UNKL: variants seen among roughly 807,000 people sequenced by gnomAD.
UNKL encodes putative E3 ubiquitin-protein ligase UNKL.
UNKL carries 60 observed loss-of-function variants against 78.0 expected under a neutral mutation model. The ratio of observed to expected loss-of-function variants is 0.77; its 90% CI spans 0.63 to 0.95. The LOEUF is 0.95. Among genes scored for constraint, UNKL ranks in the 40% least tolerant of loss-of-function variants. UNKL has a pLI of 0.00. For missense variants in UNKL, 1,159 were observed against 1,045.7 expected, an observed-to-expected ratio of 1.11 and a Z score of -1.49; for synonymous variants, 608 against 474.8, an observed-to-expected ratio of 1.28 and a Z score of -3.65.
intron 8 of UNKL, among the ~76,000 whole-genome samples, chr16:1,391,247 C>CACACACACAA (rs2037037791): frequency 3.1e-4 from 1 of 3,262 alleles, no homozygotes; most frequent in African/African-American, 8.0e-4. Context: ...GATACACACA[C>CACACACACAA]ACACACACAC....
rs887600085 is a variant in UNKL at position 1,364,776 on chromosome 16, G to A, written c.*1464C>T. 2.0e-5 allele frequency: 3 copies of A among 152,170 alleles called. No homozygotes were observed. Among genetic ancestry groups the A allele is most frequent in the Non-Finnish European group, 2.9e-5 (2 of 68,058 alleles). 9.4% of individuals were successfully genotyped at this position (152,170 alleles called of 1,614,324 possible). A position where few individuals can be genotyped will look rare whatever the true frequency, so the allele number is the denominator to read the frequency against. ...ATGAGCTCCGATGATAACTGGCAGC[G>A]CGGGTCAGGTGACTGCCACATACAC... On this transcript the variant is annotated 3_prime_UTR_variant, in exon 15 of 15. Transcript: ENST00000389221.
chr16:1,400,343 G>C (rs1377722320), intron 4 of UNKL, among the ~76,000 whole-genome samples: 1 of 134,106 alleles, frequency 7.5e-6, no homozygotes, highest in Non-Finnish European at 1.5e-5. Flanking sequence ...GCTTGAACCT[G>C]GCAGGCGGAG....
chr16:1,377,751 TC>T (rs1038871352), intron 10 of UNKL, among the ~76,000 whole-genome samples: 1 of 152,006 alleles, frequency 6.6e-6, no homozygotes, highest in African/African-American at 2.4e-5. Context: ...CCCTTCCTCC[TC>T]CCTGGCAAAG....
chr16:1,380,673 A>ATTT lies in UNKL; in HGVS notation c.1264+4532_1264+4534dup, dbSNP rs57595079. Among the ~76,000 whole-genome samples the ATTT allele has an allele frequency of 5.0e-5, 5 of 99,390 alleles. 2 individuals carry two copies. The highest frequency in any genetic ancestry group is 0.011 in the Middle Eastern group (1 of 90). 65.2% of individuals were successfully genotyped at this position (99,390 alleles called of 152,430 possible). Reference sequence around the variant, plus strand: ...TTCACCTCTGAGTAGCTGGTTCAGGATTTTTTTTTTTTTTTTTTTGAGAAC... The same window carrying ATTT: ...TTCACCTCTGAGTAGCTGGTTCAGGATTTTTTTTTTTTTTTTTTTTTTGAGAAC... On this transcript the variant is annotated intron_variant, in intron 10 of 14. Coordinates refer to ENST00000389221, the MANE Select transcript of UNKL (RefSeq NM_001372107.1).
chr16:1,369,105 G>T (rs531034417), intron 12 of UNKL, among the ~76,000 whole-genome samples: 55 of 111,502 alleles, frequency 4.9e-4, no homozygotes, highest in African/African-American at 1.8e-3. Flanking sequence ...TAGCTCTATC[G>T]CCAGGCTGGA....
At chr16:1,368,183 A>G (rs1244261470) in intron 12 of UNKL, 6 of 413,270 alleles carry the variant, frequency 1.5e-5, no homozygotes, top group Middle Eastern at 6.5e-4. Context: ...AGTGGTTCTC[A>G]GACTCCACTC....
intron 2 of UNKL, among the ~76,000 whole-genome samples, chr16:1,408,005 T>C (rs1462437702): frequency 6.6e-6 from 1 of 151,656 alleles, no homozygotes; most frequent in Non-Finnish European, 1.5e-5. Flanking sequence ...CTCCGGAGGC[T>C]GAGGCACGAG....
chr16:1,372,136 T>C (rs1055500359), intron 10 of UNKL, among the ~76,000 whole-genome samples: 21 of 149,118 alleles, frequency 1.4e-4, no homozygotes, highest in South Asian at 2.1e-4. Context: ...TGGTGGCGGG[T>C]GCCTGTAGTC....
chr16:1,376,889 C>T lies in UNKL; in HGVS notation c.1265-5278G>A, dbSNP rs530400713. ...CTGCGCAAATGCTGTACACTGCTGT[C>T]CTGAACCCAGACCTCGCACCAGCAA... On this transcript the variant is annotated intron_variant, in intron 10 of 14. Coordinates refer to ENST00000389221, the MANE Select transcript of UNKL (RefSeq NM_001372107.1). Among the ~76,000 whole-genome samples the T allele has an allele frequency of 5.3e-5, 8 of 152,272 alleles. No homozygotes were observed. In the East Asian group the frequency reaches 1.2e-3, roughly 22 times the overall value.
Position 1,367,645 on chromosome 16 carries a change from C to G in UNKL, c.1788+11G>C, listed in dbSNP as rs199822814. ...CTCCCCCTCACCTGTCTGGCCCCCC[C>G]ACACACTCACCTGCTTCACCTGCTG... is the stretch of plus-strand genomic sequence containing the variant. On this transcript the variant is annotated intron_variant, in intron 13 of 14. Coordinates refer to ENST00000389221, the MANE Select transcript of UNKL (RefSeq NM_001372107.1). The G allele has an allele frequency of 1.5e-4, 226 of 1,557,858 alleles. 1 individual carries two copies. The highest frequency in any genetic ancestry group is 1.4e-3 in the African/African-American group (102 of 71,956).
chr16:1,398,679 G>GCGCCCCCCCCCC, intron 5 of UNKL: 1 of 1,356,382 alleles, frequency 7.4e-7, no homozygotes, highest in Non-Finnish European at 9.5e-7. Flanking sequence ...TGTGGGGTCT[G>GCGCCCCCCCCCC]CACCCCCCCA....
In UNKL at chr16:1,399,089, GGTCCCTCCTGCAGTGCTCC is replaced by G; in HGVS notation, c.734+266_734+284del. Reference sequence around the variant, plus strand: ...ACACGGGGGTCCCAGCTGGGCTTGGGGTCCCTCCTGCAGTGCTCCGTCCCCTTGCCTGGCAGAGGGGCCC... The same window carrying G: ...ACACGGGGGTCCCAGCTGGGCTTGGGGTCCCCTTGCCTGGCAGAGGGGCCC... On this transcript the variant is annotated intron_variant, in intron 5 of 14. Transcript: ENST00000389221. This position sits in a 1 kb window ranked among gnomAD's most constrained non-coding sequence, Gnocchi z 5.8. 1 of 1,285,246 alleles carries G rather than the reference GGTCCCTCCTGCAGTGCTCC, an allele frequency of 7.8e-7. No homozygotes were observed. The highest frequency in any genetic ancestry group is 1.0e-6 in the Non-Finnish European group (1 of 963,260). 79.6% of individuals were successfully genotyped at this position (1,285,246 alleles called of 1,614,324 possible).
At chr16:1,400,417 C>CAAAAAAAAAAAAAAAA (rs56093103) in intron 4 of UNKL, among the ~76,000 whole-genome samples, 1 of 30,760 alleles carries the variant, frequency 3.3e-5, no homozygotes, top group African/African-American at 8.9e-5. Context: ...GACTCCATCT[C>CAAAAAAAAAAAAAAAA]AAAAAAAAAA....
intron 8 of UNKL, 85 bp downstream of exon 8, chr16:1,392,806 T>C: frequency 6.8e-7 from 1 of 1,474,734 alleles, no homozygotes; most frequent in South Asian, 1.2e-5. Context: ...ACCACATTGC[T>C]GAAAACTCAT....
intron 14 of UNKL, 105 bp from the exon 15 acceptor site, chr16:1,366,500 G>T: frequency 7.3e-7 from 1 of 1,369,226 alleles, no homozygotes; most frequent in Non-Finnish European, 9.6e-7. Context: ...CAGGCCGCCC[G>T]GCCACCAGCT....
chr16:1,367,209 C>T lies in UNKL; in HGVS notation c.1929G>A (p.Leu643=), dbSNP rs750730673. 2 of 1,604,696 alleles carry T rather than the reference C, an allele frequency of 1.2e-6. No homozygotes were observed. The highest frequency in any genetic ancestry group is 1.7e-6 in the Non-Finnish European group (2 of 1,177,994). The change falls in exon 14 of 15, where the codon CTG becomes CTA. Residue 643 remains leucine (L), a synonymous_variant. Coordinates refer to ENST00000389221, the MANE Select transcript of UNKL (RefSeq NM_001372107.1). ...VKQLQEELEG[L]GVASTLPGLR... ...GCCCCGGCAGTGTGGAGGCTACGCC[C>T]AGGCCCTCCAGCTCCTCCTGCAGCT...
chr16:1,411,696 G>A (rs1187214141), intron 2 of UNKL, among the ~76,000 whole-genome samples: 2 of 151,660 alleles, frequency 1.3e-5, no homozygotes, highest in African/African-American at 4.8e-5. Context: ...GTGGTGGCAC[G>A]CGCCTGTAAT....
intron 2 of UNKL, among the ~76,000 whole-genome samples, chr16:1,410,906 C>T (rs2038011400): frequency 6.6e-6 from 1 of 152,184 alleles, no homozygotes; most frequent in South Asian, 2.1e-4. Context: ...GGGCTGACTA[C>T]ATTATTTCAA....
chr16:1,412,883 C>T (rs570442788), intron 2 of UNKL, among the ~76,000 whole-genome samples: 160 of 152,226 alleles, frequency 1.1e-3, no homozygotes, highest in African/African-American at 3.7e-3. Context: ...AGCAAGAACC[C>T]TGTCTCTATA....
Sources: allele counts gnomAD v4.1 joint callset (sites outside exome capture counted in the v4.1 genomes callset), GRCh38; gene constraint gnomAD v4.1.1; non-coding constraint Gnocchi (gnomAD v3.1); transcripts MANE v1.5; gene names NCBI Gene and HGNC (gene_info 2026-07-23, HGNC 2026-07-21).